SLC7A7: variants seen among roughly 807,000 people sequenced by gnomAD.
SLC7A7 encodes Y+L amino acid transporter 1.
A neutral mutation model predicts 47.9 loss-of-function variants in SLC7A7; 39 were observed. That is an observed-to-expected ratio of 0.81 (90% CI 0.63 to 1.06). The LOEUF is 1.06. Ranked by LOEUF, SLC7A7 falls within the 50% of genes least tolerant of loss-of-function variation. SLC7A7 has a pLI of 0.00. For missense variants in SLC7A7, 588 were observed against 632.0 expected, an observed-to-expected ratio of 0.93 and a Z score of 0.75; for synonymous variants, 234 against 242.8, an observed-to-expected ratio of 0.96 and a Z score of 0.34.
rs11568422 is a variant in SLC7A7 at position 22,773,771 on chromosome 14, A to G, written c.1430-55T>C. On this transcript the variant is annotated intron_variant, in intron 9 of 9. Transcript: ENST00000674313. The stretch of plus-strand genomic sequence containing the variant: ...GAAGAGGTCAGCTGGGCTGAGTTCA[A>G]GTGTCACTGAATGGAACTCAGTGTG... The G allele has an allele frequency of 0.19, 296,119 of 1,575,898 alleles. 29,132 individuals are homozygous for G. The highest frequency in any genetic ancestry group is 0.2 in the Middle Eastern group (1,102 of 5,460).
At chr14:22,781,709 C>G (rs899304575) in intron 2 of SLC7A7, among the ~76,000 whole-genome samples, 1 of 152,186 alleles carries the variant, frequency 6.6e-6, no homozygotes, top group African/African-American at 2.4e-5. Flanking sequence ...CAGCCTCCAG[C>G]CACTCAACAG....
At chr14:22,798,153 C>T (rs1175272941) in intron 2 of SLC7A7, among the ~76,000 whole-genome samples, 1 of 151,904 alleles carries the variant, frequency 6.6e-6, no homozygotes. Context: ...AAAAATTAGC[C>T]GGGCATAGTG....
intron 3 of SLC7A7, 52 bp from the exon 4 acceptor site, chr14:22,778,989 T>C (rs2038667995): frequency 6.2e-7 from 1 of 1,609,060 alleles, no homozygotes; most frequent in Non-Finnish European, 8.5e-7. Context: ...ATTCTCCCAC[T>C]TCAAGATGGT....
rs923170276 is a variant in SLC7A7 at position 22,815,406 on chromosome 14, G to T, written c.-129C>A. The stretch of plus-strand genomic sequence containing the variant: ...TGCCTTCCAGGATCTGTGGTCTGAT[G>T]CTCCTCCTTCCCAGCCAGCAGTAAA... On this transcript the variant is annotated 5_prime_UTR_variant, in exon 1 of 10. Coordinates refer to ENST00000674313, the MANE Select transcript of SLC7A7 (RefSeq NM_003982.4). 2 of 454,402 alleles carry T rather than the reference G, an allele frequency of 4.4e-6. No homozygotes were observed. Among genetic ancestry groups the T allele is most frequent in the Admixed American group, 4.7e-5 (2 of 42,546 alleles). 28.1% of individuals were successfully genotyped at this position (454,402 alleles called of 1,614,324 possible). A position where few individuals can be genotyped will look rare whatever the true frequency, so the allele number is the denominator to read the frequency against.
At chr14:22,819,179 A>G (rs2138677483), upstream of SLC7A7, among the ~76,000 whole-genome samples, 2 of 152,222 alleles carry the variant, frequency 1.3e-5, no homozygotes, top group South Asian at 4.1e-4. Flanking sequence ...TTGGCTCCTC[A>G]GCCAAGCTCA....
chr14:22,819,099 C>A (rs919505277), upstream of SLC7A7, among the ~76,000 whole-genome samples: 1 of 152,142 alleles, frequency 6.6e-6, no homozygotes, highest in South Asian at 2.1e-4. Context: ...GAGCCCCTCA[C>A]CCTAACCTCA....
chr14:22,790,890 G>A (rs11628750), intron 2 of SLC7A7, among the ~76,000 whole-genome samples: 1 of 151,416 alleles, frequency 6.6e-6, no homozygotes, highest in Non-Finnish European at 1.5e-5. Flanking sequence ...CCCAGCTACT[G>A]GGGAGGCTGA....
chr14:22,775,991 T>A (rs1209634279), intron 5 of SLC7A7, 55 bp from the exon 6 acceptor site: 5 of 1,471,418 alleles, frequency 3.4e-6, no homozygotes, highest in Non-Finnish European at 4.8e-6. Context: ...ATGAAAGACA[T>A]GGATGGGCAT....
chr14:22,813,112 G>A lies in SLC7A7; in HGVS notation c.287C>T (p.Thr96Ile). The A allele has an allele frequency of 1.2e-6, 2 of 1,614,180 alleles. No individual in the cohort carries two copies. Among genetic ancestry groups the A allele is most frequent in the East Asian group, 2.2e-5 (1 of 44,888 alleles). The change falls in exon 2 of 10, where the codon ACC becomes ATC. Residue 96 changes from threonine (T) to isoleucine (I), a missense_variant. Physicochemically the swap from Thr to Ile is moderately conservative, Grantham distance 89. Transcript: ENST00000674313. ...ATAGCTGGCCCCAGATTTCTTAATG[G>A]TGGTGCCCAGTTCCGCATAACAAAG... ...GALCYAELGT[T>I]IKKSGASYAY...
At chr14:22,775,055 C>T (rs890321768) in intron 7 of SLC7A7, among the ~76,000 whole-genome samples, 12 of 151,194 alleles carry the variant, frequency 7.9e-5, no homozygotes, top group African/African-American at 2.9e-4. Flanking sequence ...CATCAAGATG[C>T]ACTTTTTTTT....
intron 2 of SLC7A7, 31 bp downstream of exon 2, chr14:22,812,869 A>AC: frequency 6.2e-7 from 1 of 1,606,854 alleles, no homozygotes; most frequent in Non-Finnish European, 8.5e-7. Context: ...CCAGCCCTCC[A>AC]CCCACCACCT....
intron 2 of SLC7A7, among the ~76,000 whole-genome samples, chr14:22,791,230 A>T (rs1166941494): frequency 1.3e-5 from 2 of 152,112 alleles, no homozygotes; most frequent in Non-Finnish European, 2.9e-5. Flanking sequence ...AAGCCTTATT[A>T]TACACATCTC....
chr14:22,783,192 A>T (rs1371220042), intron 2 of SLC7A7, among the ~76,000 whole-genome samples: 1 of 151,696 alleles, frequency 6.6e-6, no homozygotes, highest in Non-Finnish European at 1.5e-5. Context: ...TCAGCCTCCC[A>T]AAGTGCTGGG....
chr14:22,776,003 C>T (rs900430800), intron 5 of SLC7A7, 67 bp from the exon 6 acceptor site: 12 of 1,418,098 alleles, frequency 8.5e-6, no homozygotes, highest in Non-Finnish European at 1.0e-5. Flanking sequence ...GATGGGCATG[C>T]CCCCAGATTC....
intron 2 of SLC7A7, chr14:22,780,319 C>T: frequency 2.3e-6 from 1 of 433,434 alleles, no homozygotes; most frequent in South Asian, 2.2e-5. Flanking sequence ...AAAAATACAT[C>T]CAAATGTCCA....
At chr14:22,817,398 GGT>G, upstream of SLC7A7, 3 of 163,744 alleles carry the variant, frequency 1.8e-5, no homozygotes, top group Non-Finnish European at 4.0e-5. Context: ...GGAGTGCAGT[GGT>G]GCAATCTCGG....
chr14:22,792,480 T>C (rs1217427098), intron 2 of SLC7A7, among the ~76,000 whole-genome samples: 1 of 152,022 alleles, frequency 6.6e-6, no homozygotes, highest in African/African-American at 2.4e-5. Flanking sequence ...GGAAGGTCAC[T>C]TGAGTGCAGG....
rs2038510631 is a variant in SLC7A7, at chr14:22,773,347, G to T, written c.*263C>A. Reference sequence around the variant, plus strand: ...AAAGAGGAGTAGGTAGGCACACCCAGGTGCTTCTAAAACAACCAAGCCCAA... The same window carrying T: ...AAAGAGGAGTAGGTAGGCACACCCATGTGCTTCTAAAACAACCAAGCCCAA... On this transcript the variant is annotated 3_prime_UTR_variant, in exon 10 of 10. Transcript: ENST00000674313. 1 of 579,112 alleles carries T rather than the reference G, an allele frequency of 1.7e-6. No individual in the cohort carries two copies. The highest frequency in any genetic ancestry group is 1.5e-5 in the South Asian group (1 of 65,588). 35.9% of individuals were successfully genotyped at this position (579,112 alleles called of 1,614,324 possible). A position where few individuals can be genotyped will look rare whatever the true frequency, so the allele number is the denominator to read the frequency against.
At chr14:22,803,878 C>T (rs531979367) in intron 2 of SLC7A7, among the ~76,000 whole-genome samples, 13 of 152,286 alleles carry the variant, frequency 8.5e-5, no homozygotes, top group African/African-American at 3.1e-4. Context: ...CTGTGCGTTC[C>T]CTACAGGCAG....
Sources: gnomAD v4.1 joint callset for allele counts (sites outside exome capture counted in the v4.1 genomes callset) on GRCh38, gnomAD v4.1.1 for gene constraint, MANE v1.5 for transcripts, NCBI Gene and HGNC (gene_info 2026-07-23, HGNC 2026-07-21) for gene names.